Variants in AMOT observed in about 807,000 individuals in gnomAD.
The protein encoded by AMOT is angiomotin.
Under a neutral mutation model 67.0 loss-of-function variants are expected in AMOT, and 11 were observed. The observed-to-expected ratio is 0.16, with a 90% CI of 0.10 to 0.27. AMOT has a LOEUF of 0.27. AMOT is among the 10% of genes least tolerant of loss of function. The pLI is 1.00. For missense variants in AMOT, 753 were observed against 852.0 expected (o/e 0.88, Z 1.45); for synonymous variants, 326 against 321.4 (o/e 1.01, Z -0.15).
In AMOT at chrX:112,840,783, A is replaced by G. The variant is rs946804284; in HGVS notation, c.-620T>C. ...TTAGGCAGCCAGAAAGCTCCTCGGA[A>G]GGAAGGGGCGTGACTGCCAAGGCAG... On this transcript the variant is annotated 5_prime_UTR_variant, in exon 1 of 14. Coordinates refer to ENST00000371959, the MANE Select transcript of AMOT (RefSeq NM_001113490.2). The G allele has an allele frequency of 2.7e-5, 3 of 113,144 alleles. No homozygotes were observed. Among genetic ancestry groups the G allele is most frequent in the Non-Finnish European group, 3.7e-5 (2 of 53,457 alleles). The allele number at this position is 113,144 out of a possible 1,213,427, so 9.3% of individuals were successfully genotyped here. A position where few individuals can be genotyped will look rare whatever the true frequency, so the allele number is the denominator to read the frequency against.
chrX:112,809,803 T>C, intron 7 of AMOT, 91 bp downstream of exon 7: 1 of 773,363 alleles, frequency 1.3e-6, no homozygotes, highest in South Asian at 2.3e-5. Flanking sequence ...GCCCTGGCTG[T>C]TCTAAAAGGC....
chrX:112,833,363 G>A (rs1025281401), intron 1 of AMOT, among the ~76,000 whole-genome samples: 4 of 109,591 alleles, frequency 3.6e-5, no homozygotes, highest in African/African-American at 1.3e-4. Context: ...AGGCTTCCAA[G>A]GGAGAACCAC....
At position 112,840,783 on chromosome X, in the gene AMOT, A is replaced by T. The variant is rs946804284; in HGVS notation, c.-620T>A. The T allele has an allele frequency of 8.8e-6, 1 of 113,144 alleles. No individual in the cohort carries two copies. The highest frequency in any genetic ancestry group is 1.9e-5 in the Non-Finnish European group (1 of 53,457). The allele number at this position is 113,144 out of a possible 1,213,427, so 9.3% of individuals were successfully genotyped here. A position where few individuals can be genotyped will look rare whatever the true frequency, so the allele number is the denominator to read the frequency against. On this transcript the variant is annotated 5_prime_UTR_variant, in exon 1 of 14. Coordinates refer to ENST00000371959, the MANE Select transcript of AMOT (RefSeq NM_001113490.2). ...TTAGGCAGCCAGAAAGCTCCTCGGA[A>T]GGAAGGGGCGTGACTGCCAAGGCAG...
chrX:112,800,111 G>T (rs1291557661), intron 8 of AMOT, among the ~76,000 whole-genome samples: 1 of 110,914 alleles, frequency 9.0e-6, no homozygotes, highest in Admixed American at 9.6e-5. Context: ...CATGCCTGTA[G>T]TCCCAGCTAC....
chrX:112,806,326 TTATACATATGTATA>T (rs775438639), intron 7 of AMOT, among the ~76,000 whole-genome samples: 1 of 100,635 alleles, frequency 9.9e-6, no homozygotes, highest in East Asian at 3.2e-4. Context: ...CACACACGTT[TTATACATATGTATA>T]TATACATATG....
intron 1 of AMOT, among the ~76,000 whole-genome samples, chrX:112,839,727 C>A (rs1935241320): frequency 9.0e-6 from 1 of 111,203 alleles, no homozygotes; most frequent in Non-Finnish European, 1.9e-5. Flanking sequence ...TTTCCCTCCC[C>A]CTTTTCTTTC....
At chrX:112,795,198 T>C (rs998332259) in intron 8 of AMOT, among the ~76,000 whole-genome samples, 2 of 111,030 alleles carry the variant, frequency 1.8e-5, no homozygotes, top group Non-Finnish European at 3.8e-5. Context: ...ACAAATTCTC[T>C]TTCTCTCTCT....
chrX:112,786,900 T>G (rs753270906), intron 10 of AMOT, among the ~76,000 whole-genome samples: 1 of 112,278 alleles, frequency 8.9e-6, no homozygotes, highest in Non-Finnish European at 1.9e-5. Flanking sequence ...CAATTTTCTC[T>G]CTCTTTCTCT....
intron 12 of AMOT, 36 bp downstream of exon 12, chrX:112,780,850 C>T: frequency 8.5e-7 from 1 of 1,175,002 alleles, no homozygotes; most frequent in Non-Finnish European, 1.2e-6. Flanking sequence ...TCTCTTTGAA[C>T]ACGTGACTAT....
In AMOT at chrX:112,799,817, T is replaced by G. The variant is rs376686753; in HGVS notation, c.1776+5130A>C. 8.5e-4 allele frequency among the ~76,000 whole-genome samples: 95 copies of G among 112,405 alleles called. No homozygotes were observed. In the South Asian group the frequency reaches 0.035, roughly 41 times the overall value. On this transcript the variant is annotated intron_variant, in intron 8 of 13. Coordinates refer to ENST00000371959, the MANE Select transcript of AMOT (RefSeq NM_001113490.2). ...ACCCACAAGGTTTCCAATTTAGGAA[T>G]TCCAAAAGCCAAAATCATAGGAAAG...
chrX:112,793,432 C>T (rs1238763190), intron 8 of AMOT, among the ~76,000 whole-genome samples: 1 of 111,565 alleles, frequency 9.0e-6, no homozygotes, highest in African/African-American at 3.3e-5. Flanking sequence ...CTGACTCCCT[C>T]ATTGCAGAAA....
intron 1 of AMOT, among the ~76,000 whole-genome samples, chrX:112,837,321 C>T (rs1263421274): frequency 9.0e-6 from 1 of 111,710 alleles, no homozygotes; most frequent in African/African-American, 3.3e-5. Context: ...AAGCGATAAT[C>T]ATTACAAATT....
At chrX:112,838,142 T>C (rs1935175950) in intron 1 of AMOT, among the ~76,000 whole-genome samples, 1 of 111,309 alleles carries the variant, frequency 9.0e-6, no homozygotes, top group Non-Finnish European at 1.9e-5. Flanking sequence ...TTCCTCCTCA[T>C]TGGTAACAAC....
intron 6 of AMOT, 33 bp downstream of exon 6, chrX:112,811,216 G>A (rs753373020): frequency 2.5e-6 from 3 of 1,204,462 alleles, no homozygotes; most frequent in Non-Finnish European, 3.4e-6. Context: ...AGCTGCTTCA[G>A]AAGTACAAAG....
chrX:112,809,915 T>C lies in AMOT; in HGVS notation c.1609A>G (p.Ile537Val), dbSNP rs200006588. 9.1e-6 allele frequency: 11 copies of C among 1,209,886 alleles called. No homozygotes were observed. Among genetic ancestry groups the C allele is most frequent in the Admixed American group, 2.2e-5 (1 of 45,826 alleles). ...YEGSEDTRKT[I>V]SQLFAKNKES... is the part of the protein sequence containing the mutation. ...TTACTTTTTGCAAAGAGCTGCGAGA[T>C]GGTTTTTCTGGTGTCCTCTGACCCC... Residue 537 changes from isoleucine to valine, a missense_variant, in exon 7 of 14, where the codon ATC becomes GTC. Transcript: ENST00000371959.
chrX:112,834,670 G>C (rs185418153), intron 1 of AMOT, among the ~76,000 whole-genome samples: 3 of 112,747 alleles, frequency 2.7e-5, no homozygotes, highest in East Asian at 2.8e-4. Context: ...ACAATGGCTG[G>C]GTTTCAGTTA....
intron 13 of AMOT, 66 bp downstream of exon 13, chrX:112,778,931 C>T (rs1933012303): frequency 9.4e-7 from 1 of 1,060,669 alleles, no homozygotes; most frequent in East Asian, 3.0e-5. Flanking sequence ...CATCAGACAA[C>T]AAGAAATAAA....
rs397943861 is a variant in AMOT at position 112,833,491 on chromosome X, G to GC, written c.-288-1122_-288-1121insG. Reference sequence around the variant, plus strand: ...TCCTGGGAGTAAAGGGGGGGGGGGGGTCATCAAAATTTTCTTAGCTTCAAA... The same window carrying GC: ...TCCTGGGAGTAAAGGGGGGGGGGGGGCTCATCAAAATTTTCTTAGCTTCAAA... On this transcript the variant is annotated intron_variant, in intron 1 of 13. Transcript: ENST00000371959. Among the ~76,000 whole-genome samples the GC allele has an allele frequency of 2.8e-3, 247 of 86,877 alleles. 1 individual carries two copies. Among genetic ancestry groups the GC allele is most frequent in the African/African-American group, 0.011 (229 of 21,519 alleles). The allele number at this position is 86,877 out of a possible 115,157, so 75.4% of individuals were successfully genotyped here.
At chrX:112,790,091 T>C (rs1233177815) in intron 10 of AMOT, among the ~76,000 whole-genome samples, 1 of 104,383 alleles carries the variant, frequency 9.6e-6, no homozygotes, top group African/African-American at 3.5e-5. Flanking sequence ...ATAGAGAATG[T>C]GGCCTTCAAA....
Sources: gnomAD v4.1 joint callset for allele counts (sites outside exome capture counted in the v4.1 genomes callset) on GRCh38, gnomAD v4.1.1 for gene constraint, MANE v1.5 for transcripts, NCBI Gene and HGNC (gene_info 2026-07-23, HGNC 2026-07-21) for gene names.